CTBP2: variants seen among roughly 807,000 people sequenced by gnomAD.
CTBP2 encodes C-terminal binding protein 2.
CTBP2 carries 30 observed loss-of-function variants against 80.3 expected under a neutral mutation model. The observed-to-expected ratio is 0.37, with a 90% CI of 0.28 to 0.51. CTBP2 has a LOEUF of 0.51. Among genes scored for constraint, CTBP2 ranks in the 20% least tolerant of loss-of-function variants. The pLI, the probability that CTBP2 is intolerant of heterozygous loss-of-function variation, is 0.93. For missense variants in CTBP2, 1,212 were observed against 1,375.3 expected (o/e 0.88, Z 1.88); for synonymous variants, 594 against 587.4 (o/e 1.01, Z -0.16).
chr10:125,099,390 C>T (rs891963407), intron 2 of CTBP2, among the ~76,000 whole-genome samples: 1 of 152,174 alleles, frequency 6.6e-6, no homozygotes, highest in Non-Finnish European at 1.5e-5. Flanking sequence ...CCATTCTGGG[C>T]CCTCCAGATT....
At chr10:125,118,129 A>T (rs1157503858) in intron 1 of CTBP2, among the ~76,000 whole-genome samples, 1 of 152,264 alleles carries the variant, frequency 6.6e-6, no homozygotes, top group Non-Finnish European at 1.5e-5. Context: ...CTTTTTAAAG[A>T]AAAATAAAAT....
intron 2 of CTBP2, among the ~76,000 whole-genome samples, chr10:125,098,700 GAGAGAGACAGAGAGAGAGAGAGAC>G (rs763582314): frequency 1.2e-5 from 1 of 84,860 alleles, no homozygotes; most frequent in Admixed American, 1.4e-4. Context: ...GAGAGAGAGA[GAGAGAGACAGAGAGAGAGAGAGAC>G]AGAGAGAGAG....
intron 1 of CTBP2, among the ~76,000 whole-genome samples, chr10:125,158,903 G>A (rs1394049537): frequency 6.6e-6 from 1 of 152,026 alleles, no homozygotes. Context: ...GCCACGGGAG[G>A]GAGTGTGTGC....
intron 8 of CTBP2, among the ~76,000 whole-genome samples, chr10:124,990,532 A>G (rs1281715071): frequency 6.6e-6 from 1 of 152,230 alleles, no homozygotes; most frequent in Non-Finnish European, 1.5e-5. Context: ...ATGTGGATAC[A>G]TTATACTATT....
chr10:125,159,511 G>A (rs1274892840), intron 1 of CTBP2, among the ~76,000 whole-genome samples: 1 of 148,274 alleles, frequency 6.7e-6, no homozygotes, highest in Non-Finnish European at 1.5e-5. Flanking sequence ...GGCGGCAGCG[G>A]CAGCAGATGT....
At chr10:125,147,943 A>C (rs562932761) in intron 1 of CTBP2, among the ~76,000 whole-genome samples, 1 of 152,222 alleles carries the variant, frequency 6.6e-6, no homozygotes, top group Admixed American at 6.5e-5. Flanking sequence ...ACGTCAGGCC[A>C]GTTCTAAAGG....
At chr10:125,122,439 C>A (rs989046977) in intron 1 of CTBP2, among the ~76,000 whole-genome samples, 14 of 152,184 alleles carry the variant, frequency 9.2e-5, no homozygotes, top group Non-Finnish European at 1.2e-4. Context: ...TGAAGCATGC[C>A]AAAGCCACAT....
chr10:125,115,031 C>A (rs61478532), intron 1 of CTBP2, among the ~76,000 whole-genome samples: 19,155 of 151,990 alleles, frequency 0.13, 1,997 homozygotes, highest in African/African-American at 0.28. Context: ...GGCTCCTCCT[C>A]CTACTACTGT....
intron 3 of CTBP2, among the ~76,000 whole-genome samples, chr10:125,001,906 C>A (rs1463611321): frequency 6.6e-6 from 1 of 152,208 alleles, no homozygotes; most frequent in Non-Finnish European, 1.5e-5. Flanking sequence ...GGTGGCCTCC[C>A]TGAAAACGTG....
At chr10:125,121,635 G>T (rs1018518296) in intron 1 of CTBP2, among the ~76,000 whole-genome samples, 1 of 152,162 alleles carries the variant, frequency 6.6e-6, no homozygotes, top group Non-Finnish European at 1.5e-5. Flanking sequence ...CCCAAAGACA[G>T]AACTGAATTC....
At chr10:125,064,053 A>AT (rs1454153893) in intron 2 of CTBP2, among the ~76,000 whole-genome samples, 1 of 106,450 alleles carries the variant, frequency 9.4e-6, no homozygotes, top group Non-Finnish European at 2.0e-5. Flanking sequence ...TTTAAAATGC[A>AT]TTAAAAAAAT....
chr10:125,098,207 C>T (rs1010974518), intron 2 of CTBP2, among the ~76,000 whole-genome samples: 16 of 152,268 alleles, frequency 1.1e-4, no homozygotes, highest in African/African-American at 3.6e-4. Flanking sequence ...CTGCTATCCC[C>T]GTTTTCTTTT....
chr10:125,115,129 G>T (rs935643390), intron 1 of CTBP2, among the ~76,000 whole-genome samples: 1 of 152,058 alleles, frequency 6.6e-6, no homozygotes, highest in Non-Finnish European at 1.5e-5. Flanking sequence ...CCTGCGGCTG[G>T]GTCACACCAG....
chr10:125,090,456 T>TAA (rs113744620), intron 2 of CTBP2, among the ~76,000 whole-genome samples: 18 of 134,554 alleles, frequency 1.3e-4, no homozygotes, highest in South Asian at 2.4e-4. Flanking sequence ...AATGGTTATT[T>TAA]AAAAAAAAAA....
intron 1 of CTBP2, among the ~76,000 whole-genome samples, chr10:125,012,419 T>G (rs977021091): frequency 1.3e-5 from 2 of 152,168 alleles, no homozygotes; most frequent in African/African-American, 4.8e-5. Context: ...CCACTGTGGC[T>G]GGGGACACAC....
chr10:125,108,895 C>T (rs1215576649), intron 2 of CTBP2, among the ~76,000 whole-genome samples: 1 of 152,202 alleles, frequency 6.6e-6, no homozygotes, highest in African/African-American at 2.4e-5. Context: ...AAAAGGATGC[C>T]AAAAATACAG....
At chr10:125,011,265 G>A (rs1955862179) in intron 1 of CTBP2, among the ~76,000 whole-genome samples, 1 of 152,194 alleles carries the variant, frequency 6.6e-6, no homozygotes, top group African/African-American at 2.4e-5. Context: ...GTGAAGAAAT[G>A]GCCACAGGAA....
intron 1 of CTBP2, among the ~76,000 whole-genome samples, chr10:125,025,604 C>T (rs1463225343): frequency 6.6e-6 from 1 of 152,160 alleles, no homozygotes. Context: ...ATACGGCGTG[C>T]GGACCCGTGA....
At chr10:125,139,069 C>G (rs1448583924) in intron 1 of CTBP2, among the ~76,000 whole-genome samples, 1 of 152,088 alleles carries the variant, frequency 6.6e-6, no homozygotes, top group African/African-American at 2.4e-5. Flanking sequence ...TCCTGGCACT[C>G]AACAGACAGT....
Sources: gnomAD v4.1 joint callset for allele counts (sites outside exome capture counted in the v4.1 genomes callset) on GRCh38, gnomAD v4.1.1 for gene constraint, MANE v1.5 for transcripts, NCBI Gene and HGNC (gene_info 2026-07-23, HGNC 2026-07-21) for gene names.